Variants in MYOZ3 observed in about 807,000 individuals in gnomAD.
MYOZ3 encodes myozenin-3.
MYOZ3 carries 19 observed loss-of-function variants against 26.5 expected under a neutral mutation model. The ratio of observed to expected loss-of-function variants is 0.72; its 90% confidence interval spans 0.50 to 1.05. MYOZ3 has a LOEUF of 1.05. Ranked by LOEUF, MYOZ3 falls within the 50% of genes least tolerant of loss-of-function variation. MYOZ3 has a pLI of 0.00. For synonymous variants in MYOZ3, 135 were observed against 138.8 expected, an observed-to-expected ratio of 0.97 and a Z score of 0.19; for missense variants, 322 against 337.1, an observed-to-expected ratio of 0.96 and a Z score of 0.35.
chr5:150,667,674 T>C (rs1244319312), intron 2 of MYOZ3, among the ~76,000 whole-genome samples: 1 of 152,242 alleles, frequency 6.6e-6, no homozygotes, highest in African/African-American at 2.4e-5. Context: ...TAGCTGTCTG[T>C]AGCCAGGATC....
In MYOZ3 at chr5:150,677,868, TGAA is replaced by T. The variant is rs1561673499; in HGVS notation, c.*995_*997del. 6.6e-6 allele frequency: 1 copy of T among 152,008 alleles called. No homozygotes were observed. Among genetic ancestry groups the T allele is most frequent in the African/African-American group, 2.4e-5 (1 of 41,322 alleles). The allele number at this position is 152,008 out of a possible 1,614,324, so 9.4% of individuals were successfully genotyped here. A position where few individuals can be genotyped will look rare whatever the true frequency, so the allele number is the denominator to read the frequency against. ...GTGAGATGGGATTCTGGAAGCTTCC[TGAA>T]GGATTTGAGTGGGACCTTGTGGGAG... is the stretch of plus-strand genomic sequence containing the variant. On this transcript the variant is annotated 3_prime_UTR_variant, in exon 7 of 7. Coordinates refer to ENST00000517768, the MANE Select transcript of MYOZ3 (RefSeq NM_001122853.3).
At chr5:150,664,302 T>C (rs1414389035) in intron 2 of MYOZ3, among the ~76,000 whole-genome samples, 2 of 152,174 alleles carry the variant, frequency 1.3e-5, no homozygotes, top group African/African-American at 4.8e-5. Flanking sequence ...GCACATTCTA[T>C]GGGTACTGAC....
At chr5:150,676,605 C>A in intron 6 of MYOZ3, 102 bp from the exon 7 acceptor site, 2 of 1,006,288 alleles carry the variant, frequency 2.0e-6, no homozygotes, top group Non-Finnish European at 2.9e-6. Flanking sequence ...AACTGAGGCT[C>A]AGAGAGCGGC....
chr5:150,674,589 T>C (rs1315192487), intron 6 of MYOZ3, among the ~76,000 whole-genome samples: 1 of 152,248 alleles, frequency 6.6e-6, no homozygotes, highest in African/African-American at 2.4e-5. Context: ...AATGCTTTCC[T>C]GGCTGGGACT....
chr5:150,670,886 CAAAAAA>C (rs61577179), intron 3 of MYOZ3: 10 of 67,810 alleles, frequency 1.5e-4, no homozygotes, highest in East Asian at 8.3e-4. Flanking sequence ...TGGCTCCTAC[CAAAAAA>C]AAAAAAAAAA....
Position 150,671,080 on chromosome 5 carries a change from T to C in MYOZ3, c.216+442T>C, listed in dbSNP as rs1014092171. 4.6e-5 allele frequency among the ~76,000 whole-genome samples: 7 copies of C among 152,044 alleles called. 1 individual carries two copies. The highest frequency in any genetic ancestry group is 1.7e-4 in the African/African-American group (7 of 41,386). On this transcript the variant is annotated intron_variant, in intron 3 of 6. Coordinates refer to ENST00000517768, the MANE Select transcript of MYOZ3 (RefSeq NM_001122853.3). The stretch of plus-strand genomic sequence containing the variant: ...GGAGAAGAAAGGCAAGAAGGGTTTT[T>C]CCCTTGGCTTCAGAAAGGCAGCAGG...
At chr5:150,666,190 A>T (rs186630572) in intron 2 of MYOZ3, among the ~76,000 whole-genome samples, 119 of 152,340 alleles carry the variant, frequency 7.8e-4, no homozygotes, top group African/African-American at 2.7e-3. Context: ...CAGTTACAAC[A>T]AAACAGTGTA....
In MYOZ3 at chr5:150,677,120, C is replaced by T. The variant is rs1003710549; in HGVS notation, c.*245C>T. 1.2e-5 allele frequency: 5 copies of T among 426,588 alleles called. No homozygotes were observed. Among genetic ancestry groups the T allele is most frequent in the African/African-American group, 5.9e-5 (3 of 50,516 alleles). The allele number at this position is 426,588 out of a possible 1,614,324, so 26.4% of individuals were successfully genotyped here. A position where few individuals can be genotyped will look rare whatever the true frequency, so the allele number is the denominator to read the frequency against. On this transcript the variant is annotated 3_prime_UTR_variant, in exon 7 of 7. Transcript: ENST00000517768. ...CTTGCAGCATCAGAGTCTCCTGAGT[C>T]GAGGAATCTGTATTATTAATAGCAA...
At position 150,671,823 on chromosome 5, in the gene MYOZ3, C is replaced by A; in HGVS notation, c.339C>A (p.Pro113=). The change falls in exon 5 of 7, where the codon CCC becomes CCA. Residue 113 remains proline, a synonymous_variant. Coordinates refer to ENST00000517768, the MANE Select transcript of MYOZ3 (RefSeq NM_001122853.3). ...RSELHIFPAS[P]GASLGGPEGA... ...AGCTCCACATCTTCCCGGCCTCACC[C>A]GGGGCCTCACTCGGGGGTCCCGAGG... 1 of 1,611,466 alleles carries A rather than the reference C, an allele frequency of 6.2e-7. No individual in the cohort carries two copies. Among genetic ancestry groups the A allele is most frequent in the Non-Finnish European group, 8.5e-7 (1 of 1,179,618 alleles).
chr5:150,673,326 C>CTAT (rs1037734081), intron 6 of MYOZ3: 1 of 150,000 alleles, frequency 6.7e-6, no homozygotes, highest in African/African-American at 2.5e-5. Flanking sequence ...CAAACAATAG[C>CTAT]TATTATTGTT....
intron 2 of MYOZ3, among the ~76,000 whole-genome samples, chr5:150,668,138 T>G (rs1438992220): frequency 6.6e-6 from 1 of 152,210 alleles, no homozygotes; most frequent in Non-Finnish European, 1.5e-5. Flanking sequence ...ACCAGGCCAG[T>G]TGTCCTGTAG....
intron 6 of MYOZ3, 117 bp from the exon 7 acceptor site, chr5:150,676,590 G>T: frequency 1.1e-6 from 1 of 906,416 alleles, no homozygotes; most frequent in East Asian, 2.6e-5. Flanking sequence ...CTGTATAGAA[G>T]GGAAAACTGA....
At chr5:150,666,833 T>C (rs1280513830) in intron 2 of MYOZ3, among the ~76,000 whole-genome samples, 1 of 151,830 alleles carries the variant, frequency 6.6e-6, no homozygotes, top group Non-Finnish European at 1.5e-5. Flanking sequence ...TGATCTCAGC[T>C]CATTGCAAAC....
At chr5:150,661,536 G>A (rs1758732030) in intron 1 of MYOZ3, 109 bp downstream of exon 1, 1 of 152,240 alleles carries the variant, frequency 6.6e-6, no homozygotes, top group Admixed American at 6.5e-5. Context: ...AGTGGATCTA[G>A]GGAGTTTGGG....
In MYOZ3 at chr5:150,671,650, G is replaced by C. The variant is rs1017566226; in HGVS notation, c.270G>C (p.Thr90=). Reference sequence around the variant, plus strand: ...TGACTGGAACAGCGGAGTCGGGGACGGTGAGCGTGGAGGGGAGCTCCCTGG... The same window carrying C: ...TGACTGGAACAGCGGAGTCGGGGACCGTGAGCGTGGAGGGGAGCTCCCTGG... ...RKVTGTAESG[T]VANANGPEGP... Residue 90 remains threonine, a splice_region_variant and synonymous_variant, in exon 4 of 7, where the codon ACG becomes ACC. Coordinates refer to ENST00000517768, the MANE Select transcript of MYOZ3 (RefSeq NM_001122853.3). 1.5e-5 allele frequency: 24 copies of C among 1,613,766 alleles called. No homozygotes were observed. The highest frequency in any genetic ancestry group is 2.2e-5 in the South Asian group (2 of 91,070).
At chr5:150,670,396 TAC>T (rs1758882917) in intron 2 of MYOZ3, 86 bp from the exon 3 acceptor site, 1 of 1,387,102 alleles carries the variant, frequency 7.2e-7, no homozygotes, top group Admixed American at 2.6e-5. Context: ...CAGGCATTCT[TAC>T]ACACAGCATG....
intron 2 of MYOZ3, among the ~76,000 whole-genome samples, chr5:150,666,749 A>G (rs957806254): frequency 3.4e-5 from 5 of 148,674 alleles, no homozygotes; most frequent in African/African-American, 1.3e-4. Flanking sequence ...CAATTAATTT[A>G]TACTGGATTT....
Position 150,677,038 on chromosome 5 carries a change from T to C in MYOZ3, c.*163T>C, listed in dbSNP as rs573539965. 3.1e-6 allele frequency: 2 copies of C among 644,294 alleles called. No individual in the cohort carries two copies. The highest frequency in any genetic ancestry group is 5.3e-6 in the Non-Finnish European group (2 of 380,936). 39.9% of individuals were successfully genotyped at this position (644,294 alleles called of 1,614,324 possible). ...GTTCAGTCGTCCCAAAACATGGGTGTGTTTCAAAATTACCTGGGGATGTTG... is the reference window on the plus strand; with the variant it reads ...GTTCAGTCGTCCCAAAACATGGGTGCGTTTCAAAATTACCTGGGGATGTTG... On this transcript the variant is annotated 3_prime_UTR_variant, in exon 7 of 7. Coordinates refer to ENST00000517768, the MANE Select transcript of MYOZ3 (RefSeq NM_001122853.3).
Position 150,677,161 on chromosome 5 carries a change from G to A in MYOZ3, c.*286G>A, listed in dbSNP as rs750168793. On this transcript the variant is annotated 3_prime_UTR_variant, in exon 7 of 7. Coordinates refer to ENST00000517768, the MANE Select transcript of MYOZ3 (RefSeq NM_001122853.3). ...TTAATAGCAACCAGGGCCGGGTGTC[G>A]TGGCTCACGCCTGTCATCCCAGCAC... 62 of 263,962 alleles carry A rather than the reference G, an allele frequency of 2.3e-4. No homozygotes were observed. Among genetic ancestry groups the A allele is most frequent in the Non-Finnish European group, 3.8e-4 (52 of 138,134 alleles). 16.4% of individuals were successfully genotyped at this position (263,962 alleles called of 1,614,324 possible).
Sources: allele counts gnomAD v4.1 joint callset (sites outside exome capture counted in the v4.1 genomes callset), GRCh38; gene constraint gnomAD v4.1.1; transcripts MANE v1.5; gene names NCBI Gene and HGNC (gene_info 2026-07-23, HGNC 2026-07-21).